Variants in ANGEL2 observed in about 807,000 individuals in gnomAD.
The protein encoded by ANGEL2 is angel homolog 2, also known as RNA 2',3'-cyclic phosphatase ANGEL2.
A neutral mutation model predicts 66.0 loss-of-function variants in ANGEL2; 41 were observed. The observed-to-expected ratio is 0.62, with a 90% confidence interval of 0.48 to 0.81. ANGEL2 has a LOEUF of 0.81. ANGEL2 is among the 30% of genes least tolerant of loss of function. The pLI, the probability that ANGEL2 is intolerant of heterozygous loss-of-function variation, is 0.00. For synonymous variants in ANGEL2, 208 were observed against 226.5 expected, an observed-to-expected ratio of 0.92 and a Z score of 0.73; for missense variants, 561 against 641.6, an observed-to-expected ratio of 0.87 and a Z score of 1.36.
In ANGEL2 at chr1:213,011,322, A is replaced by G. The variant is rs184337309; in HGVS notation, c.385+1771T>C. 82 of 1,257,252 alleles carry G rather than the reference A, an allele frequency of 6.5e-5. 1 individual carries two copies. The East Asian group carries it at 1.3e-3, about 19-fold the overall frequency. The allele number at this position is 1,257,252 out of a possible 1,614,324, so 77.9% of individuals were successfully genotyped here. A position where few individuals can be genotyped will look rare whatever the true frequency, so the allele number is the denominator to read the frequency against. On this transcript the variant is annotated intron_variant, in intron 2 of 8. Transcript: ENST00000366962. ...TGCCTAATTACAAAGTCATAATTGT[A>G]TCACACAAATCCTTCAAATACCACT...
chr1:212,996,121 C>A (rs1447677354), intron 8 of ANGEL2, among the ~76,000 whole-genome samples: 2 of 152,090 alleles, frequency 1.3e-5, no homozygotes, highest in African/African-American at 4.8e-5. Context: ...TCCTGGCCAA[C>A]ACGGTGAAAT....
At chr1:213,002,645 C>T (rs1301501540) in intron 5 of ANGEL2, among the ~76,000 whole-genome samples, 2 of 152,118 alleles carry the variant, frequency 1.3e-5, no homozygotes, top group Non-Finnish European at 1.5e-5. Flanking sequence ...TGGCCAGGTG[C>T]GGTGGCTCAT....
At chr1:212,996,660 T>G (rs1274482014) in intron 8 of ANGEL2, among the ~76,000 whole-genome samples, 1 of 134,694 alleles carries the variant, frequency 7.4e-6, no homozygotes, top group Admixed American at 7.7e-5. Flanking sequence ...TATATATATA[T>G]ATATATATAT....
Position 213,005,064 on chromosome 1 carries a change from T to C in ANGEL2, c.1103A>G (p.Lys368Arg), listed in dbSNP as rs767973346. ...SPLYSFIKEG[K>R]LNYEGLPIGK... The stretch of plus-strand genomic sequence containing the variant: ...TATGGGAAGTCCTTCATAATTCAAT[T>C]TTCCTTCCTTTATGAAACTATATAG... Residue 368 changes from lysine to arginine, a missense_variant, in exon 5 of 9, where the codon AAA (lysine) becomes AGA (arginine). Coordinates refer to ENST00000366962, the MANE Select transcript of ANGEL2 (RefSeq NM_144567.5). 1.3e-6 allele frequency: 2 copies of C among 1,579,654 alleles called. No individual in the cohort carries two copies. The highest frequency in any genetic ancestry group is 1.7e-6 in the Non-Finnish European group (2 of 1,166,620).
At position 213,007,084 on chromosome 1, in the gene ANGEL2, C is replaced by A. The variant is rs778089714; in HGVS notation, c.712+45G>T. On this transcript the variant is annotated intron_variant, in intron 4 of 8. Transcript: ENST00000366962. ...ACTCCAGTTGGGCGACAGAGTGAGA[C>A]CCTGTCTCAAAAAAGAAAAAAAAAA... is the stretch of plus-strand genomic sequence containing the variant. 2.3e-5 allele frequency: 35 copies of A among 1,534,144 alleles called. No individual in the cohort carries two copies. In the African/African-American group the frequency reaches 3.1e-4, roughly 13 times the overall value.
chr1:212,997,386 T>G (rs1441465681), intron 7 of ANGEL2, 68 bp from the exon 8 acceptor site: 1 of 1,406,174 alleles, frequency 7.1e-7, no homozygotes, highest in Non-Finnish European at 9.8e-7. Flanking sequence ...CCTATCTGAA[T>G]TTCTTTTTCA....
In ANGEL2 at chr1:213,000,263, G is replaced by A. The variant is rs17020092; in HGVS notation, c.1319+63C>T. Reference sequence around the variant, plus strand: ...TCATTTTTTTATCCAAGTGATTTTTGAGAAATGAGTTTTTTATTCAACTAA... The same window carrying A: ...TCATTTTTTTATCCAAGTGATTTTTAAGAAATGAGTTTTTTATTCAACTAA... On this transcript the variant is annotated intron_variant, in intron 7 of 8. Coordinates refer to ENST00000366962, the MANE Select transcript of ANGEL2 (RefSeq NM_144567.5). 935 of 1,451,490 alleles carry A rather than the reference G, an allele frequency of 6.4e-4. 7 individuals are homozygous for A. In the African/African-American group the frequency reaches 0.012, roughly 18 times the overall value. The allele number at this position is 1,451,490 out of a possible 1,614,324, so 89.9% of individuals were successfully genotyped here.
chr1:213,009,158 G>C (rs1271946055), intron 2 of ANGEL2, among the ~76,000 whole-genome samples: 1 of 152,228 alleles, frequency 6.6e-6, no homozygotes, highest in Non-Finnish European at 1.5e-5. Flanking sequence ...AACCAGGCGT[G>C]TGTTCATATT....
At chr1:212,995,237 G>T (rs1431702841) in intron 8 of ANGEL2, 45 bp from the exon 9 acceptor site, 1 of 1,531,692 alleles carries the variant, frequency 6.5e-7, no homozygotes, top group East Asian at 2.3e-5. Flanking sequence ...TTGTCAACGG[G>T]TTATTGTAAA....
intron 5 of ANGEL2, among the ~76,000 whole-genome samples, chr1:213,003,370 C>G (rs2076231783): frequency 6.6e-6 from 1 of 152,212 alleles, no homozygotes; most frequent in African/African-American, 2.4e-5. Flanking sequence ...AGCTTTTGGC[C>G]TCTCTCAGCT....
intron 7 of ANGEL2, among the ~76,000 whole-genome samples, chr1:212,998,821 C>T (rs573403598): frequency 1.1e-4 from 16 of 151,946 alleles, no homozygotes; most frequent in Non-Finnish European, 1.6e-4. Flanking sequence ...CCACCGCGCC[C>T]GGCCTCTTTT....
chr1:213,011,467 A>G, intron 2 of ANGEL2: 1 of 1,110,792 alleles, frequency 9.0e-7, no homozygotes, highest in Non-Finnish European at 1.1e-6. Context: ...ACCTAGGAAG[A>G]ATGGACATAT....
intron 8 of ANGEL2, among the ~76,000 whole-genome samples, chr1:212,996,746 A>AGG (rs2076035808): frequency 6.7e-6 from 1 of 149,248 alleles, no homozygotes; most frequent in Non-Finnish European, 1.5e-5. Flanking sequence ...CAGTGTAACT[A>AGG]TGGTCCTCCA....
chr1:212,996,204 G>A (rs947224887), intron 8 of ANGEL2, among the ~76,000 whole-genome samples: 6 of 152,140 alleles, frequency 3.9e-5, no homozygotes, highest in Non-Finnish European at 5.9e-5. Flanking sequence ...TGGCTCGGGA[G>A]GCTGAGGCAG....
intron 4 of ANGEL2, chr1:213,006,535 C>G (rs2076333442): frequency 6.6e-6 from 1 of 151,194 alleles, no homozygotes; most frequent in Non-Finnish European, 1.5e-5. Flanking sequence ...TATGGGACCA[C>G]AGATAACTTG....
Position 213,008,339 on chromosome 1 carries a change from G to C in ANGEL2, c.513C>G (p.Ser171=). 6.2e-7 allele frequency: 1 copy of C among 1,614,160 alleles called. No individual in the cohort carries two copies. The highest frequency in any genetic ancestry group is 8.5e-7 in the Non-Finnish European group (1 of 1,180,032). The change falls in exon 3 of 9, where the codon TCC becomes TCG. Residue 171 remains serine, a synonymous_variant. Coordinates refer to ENST00000366962, the MANE Select transcript of ANGEL2 (RefSeq NM_144567.5). The part of the protein sequence containing the change: ...SENKFDFSVM[S]YNILSQDLLE... ...GTAAATCTTGTGAAAGTATATTATAGGACATCACTGAAAAGTCAAACTTGT... is the reference window on the plus strand; with the variant it reads ...GTAAATCTTGTGAAAGTATATTATACGACATCACTGAAAAGTCAAACTTGT...
At chr1:213,012,670 C>T (rs1391699445) in intron 2 of ANGEL2, among the ~76,000 whole-genome samples, 2 of 152,104 alleles carry the variant, frequency 1.3e-5, no homozygotes, top group East Asian at 1.9e-4. Context: ...TGAGTCCTTT[C>T]GTCTTCCATA....
rs767676413 is a variant in ANGEL2, at chr1:213,008,401, C to T, written c.451G>A (p.Asp151Asn). ...HDKEKTKILG[D>N]KNVDPKCEDS... Reference sequence around the variant, plus strand: ...TCACATTTGGGATCAACATTTTTGTCTCCTAGGATCTTCGTTTTTTCTTTA... The same window carrying T: ...TCACATTTGGGATCAACATTTTTGTTTCCTAGGATCTTCGTTTTTTCTTTA... The change falls in exon 3 of 9, where the codon GAC (aspartate) becomes AAC (asparagine). Residue 151 changes from aspartate (D) to asparagine (N), a missense_variant. Asp to Asn is a conservative substitution (Grantham distance 23, BLOSUM62 1). Transcript: ENST00000366962. The T allele has an allele frequency of 1.9e-6, 3 of 1,614,096 alleles. No homozygotes were observed. Among genetic ancestry groups the T allele is most frequent in the South Asian group, 1.1e-5 (1 of 91,082 alleles).
intron 2 of ANGEL2, among the ~76,000 whole-genome samples, chr1:213,010,279 C>G (rs2076469351): frequency 6.6e-6 from 1 of 151,474 alleles, no homozygotes; most frequent in Admixed American, 6.6e-5. Flanking sequence ...ATAGGGAAAA[C>G]AGAACTGATT....
Sources: gnomAD v4.1 joint callset for allele counts (sites outside exome capture counted in the v4.1 genomes callset) on GRCh38, gnomAD v4.1.1 for gene constraint, MANE v1.5 for transcripts, NCBI Gene and HGNC (gene_info 2026-07-23, HGNC 2026-07-21) for gene names.